Variants in VPS37D observed in about 807,000 individuals in gnomAD.
VPS37D encodes the protein vacuolar protein sorting-associated protein 37D.
In VPS37D, 5 loss-of-function variants were observed where a neutral mutation model predicts 22.0. That is an observed-to-expected ratio of 0.23 (90% CI 0.12 to 0.48). The LOEUF is 0.48. Among genes scored for constraint, VPS37D ranks in the 20% least tolerant of loss-of-function variants. The probability of loss-of-function intolerance (pLI) is 0.99; values close to 1 mark genes in which losing one functional copy is unlikely to be tolerated. For synonymous variants in VPS37D, 174 were observed against 159.3 expected, an observed-to-expected ratio of 1.09 and a Z score of -0.69; for missense variants, 384 against 345.8, an observed-to-expected ratio of 1.11 and a Z score of -0.88.
upstream of VPS37D, among the ~76,000 whole-genome samples, chr7:73,666,224 T>C (rs1554608604): frequency 6.6e-6 from 1 of 152,176 alleles, no homozygotes; most frequent in African/African-American, 2.4e-5. Context: ...TGTCTTATAC[T>C]AGAATTAGTT....
chr7:73,666,511 C>G (rs1554608666), upstream of VPS37D, among the ~76,000 whole-genome samples: 1 of 152,106 alleles, frequency 6.6e-6, no homozygotes, highest in East Asian at 1.9e-4. Context: ...TCACTACAAC[C>G]TCCGCCTCCC....
intron 1 of VPS37D, among the ~76,000 whole-genome samples, chr7:73,669,091 T>TA (rs1797446756): frequency 6.6e-6 from 1 of 152,146 alleles, no homozygotes; most frequent in Admixed American, 6.5e-5. Context: ...GCAGACATAT[T>TA]AATTGAAAAA....
chr7:73,665,978 G>A (rs1797364676), upstream of VPS37D, among the ~76,000 whole-genome samples: 1 of 152,102 alleles, frequency 6.6e-6, no homozygotes, highest in Non-Finnish European at 1.5e-5. Flanking sequence ...AGCCTCCTGA[G>A]CAGCTGGGGC....
chr7:73,667,820 C>G (rs1262894827), upstream of VPS37D: 1 of 196,944 alleles, frequency 5.1e-6, no homozygotes, highest in Non-Finnish European at 9.3e-6. Flanking sequence ...GGAGGGGCGC[C>G]CCCTGGCGGC....
At chr7:73,669,231 G>A (rs911629177) in intron 1 of VPS37D, among the ~76,000 whole-genome samples, 188 bp from the exon 2 acceptor site, 28 of 152,192 alleles carry the variant, frequency 1.8e-4, no homozygotes, top group Non-Finnish European at 2.1e-4. Flanking sequence ...AGGGAGCTCA[G>A]GGCAGAGCCA....
rs879987947 is a variant in VPS37D, at chr7:73,667,871, CCGGAGCGGAG to C, written c.-71_-62del. ...GCCGGAGCCGGAGCGGATCCTGGAGCCGGAGCGGAGCGGAGCGGAGCGGAGCCGGGGCGGA... is the reference window on the plus strand; with the variant it reads ...GCCGGAGCCGGAGCGGATCCTGGAGCCGGAGCGGAGCGGAGCCGGGGCGGA... On this transcript the variant is annotated 5_prime_UTR_variant, in exon 1 of 4. Coordinates refer to ENST00000324941, the MANE Select transcript of VPS37D (RefSeq NM_001077621.2). 753 of 372,232 alleles carry C rather than the reference CCGGAGCGGAG, an allele frequency of 2.0e-3. 1 individual carries two copies. The highest frequency in any genetic ancestry group is 9.2e-3 in the Middle Eastern group (7 of 764). The allele number at this position is 372,232 out of a possible 1,614,324, so 23.1% of individuals were successfully genotyped here. A position where few individuals can be genotyped will look rare whatever the true frequency, so the allele number is the denominator to read the frequency against.
At position 73,671,085 on chromosome 7, in the gene VPS37D, C is replaced by T. The variant is rs575757598; in HGVS notation, c.465C>T (p.Arg155=). 214 of 1,611,216 alleles carry T rather than the reference C, an allele frequency of 1.3e-4. 1 individual carries two copies. In the South Asian group the frequency reaches 1.5e-3, roughly 11 times the overall value. The change falls in exon 4 of 4, where the codon CGC becomes CGT. Residue 155 remains arginine, a synonymous_variant. Coordinates refer to ENST00000324941, the MANE Select transcript of VPS37D (RefSeq NM_001077621.2). ...TCCTGCCTGCCTTCCAGCGTGGCCGCGCCCTGGCCCACCTGAGGCGGACGC... is the reference window on the plus strand; with the variant it reads ...TCCTGCCTGCCTTCCAGCGTGGCCGTGCCCTGGCCCACCTGAGGCGGACGC... ...EAFLPAFQRG[R]ALAHLRRTQA... is the part of the protein sequence containing the mutation.
intron 3 of VPS37D, 64 bp from the exon 4 acceptor site, chr7:73,670,950 G>C (rs1176183276): frequency 1.3e-6 from 2 of 1,569,368 alleles, no homozygotes; most frequent in Non-Finnish European, 1.7e-6. Flanking sequence ...GTGGGAAGGA[G>C]TGAGGACCAG....
At chr7:73,665,444 C>T (rs146397979), upstream of VPS37D, among the ~76,000 whole-genome samples, 255 of 151,920 alleles carry the variant, frequency 1.7e-3, no homozygotes, top group African/African-American at 6.0e-3. Flanking sequence ...AGGGAATAAC[C>T]CCCTAGCCTG....
rs1797522409 is a variant in VPS37D at position 73,671,738 on chromosome 7, C to T, written c.*362C>T. Reference sequence around the variant, plus strand: ...TGCCAAGGGGACCTGTCGCACCCCACCACTCCACTGGGCTCGCACAACGCC... The same window carrying T: ...TGCCAAGGGGACCTGTCGCACCCCATCACTCCACTGGGCTCGCACAACGCC... On this transcript the variant is annotated 3_prime_UTR_variant, in exon 4 of 4. Transcript: ENST00000324941. 1 of 154,624 alleles carries T rather than the reference C, an allele frequency of 6.5e-6. No individual in the cohort carries two copies. Among genetic ancestry groups the T allele is most frequent in the Non-Finnish European group, 1.4e-5 (1 of 69,764 alleles). The allele number at this position is 154,624 out of a possible 1,614,324, so 9.6% of individuals were successfully genotyped here.
chr7:73,669,160 A>C (rs1269583088), intron 1 of VPS37D, among the ~76,000 whole-genome samples: 1 of 147,228 alleles, frequency 6.8e-6, no homozygotes, highest in East Asian at 1.9e-4. Context: ...AAGTCTCTCA[A>C]CAACCCCATA....
At chr7:73,670,905 A>G in intron 3 of VPS37D, 109 bp from the exon 4 acceptor site, 1 of 1,449,064 alleles carries the variant, frequency 6.9e-7, no homozygotes, top group Non-Finnish European at 9.1e-7. Flanking sequence ...CCTGTCCCCC[A>G]GCTGAGGGGT....
rs1554609917 is a variant in VPS37D at position 73,671,954 on chromosome 7, A to T, written c.*578A>T. On this transcript the variant is annotated 3_prime_UTR_variant, in exon 4 of 4. Coordinates refer to ENST00000324941, the MANE Select transcript of VPS37D (RefSeq NM_001077621.2). The stretch of plus-strand genomic sequence containing the variant: ...TAGGCCAGGGGCTTCTGACCTGTGC[A>T]GGTGAGAGTGGGCCATACCCAGGAA... 6.6e-6 allele frequency: 1 copy of T among 152,370 alleles called. No homozygotes were observed. Among genetic ancestry groups the T allele is most frequent in the Non-Finnish European group, 1.5e-5 (1 of 68,166 alleles). The allele number at this position is 152,370 out of a possible 1,614,324, so 9.4% of individuals were successfully genotyped here. A position where few individuals can be genotyped will look rare whatever the true frequency, so the allele number is the denominator to read the frequency against.
At chr7:73,668,219 G>A (rs1410031354) in intron 1 of VPS37D, 123 bp downstream of exon 1, 6 of 516,816 alleles carry the variant, frequency 1.2e-5, no homozygotes, top group Non-Finnish European at 1.3e-5. Context: ...AGCCTGGCAC[G>A]TACGAGTGGG....
At position 73,667,871 on chromosome 7, in the gene VPS37D, CCGGAG is replaced by C. The variant is rs879987947; in HGVS notation, c.-66_-62del. On this transcript the variant is annotated 5_prime_UTR_variant, in exon 1 of 4. Coordinates refer to ENST00000324941, the MANE Select transcript of VPS37D (RefSeq NM_001077621.2). ...GCCGGAGCCGGAGCGGATCCTGGAG[CCGGAG>C]CGGAGCGGAGCGGAGCGGAGCCGGG... 170 of 372,526 alleles carry C rather than the reference CCGGAG, an allele frequency of 4.6e-4. No homozygotes were observed. The highest frequency in any genetic ancestry group is 9.9e-4 in the African/African-American group (44 of 44,464). The allele number at this position is 372,526 out of a possible 1,614,324, so 23.1% of individuals were successfully genotyped here.
chr7:73,665,872 A>G (rs1797362513), upstream of VPS37D, among the ~76,000 whole-genome samples: 1 of 152,114 alleles, frequency 6.6e-6, no homozygotes, highest in Non-Finnish European at 1.5e-5. Flanking sequence ...GTTTTTTGAG[A>G]CGGGGTCTTG....
intron 2 of VPS37D, 145 bp downstream of exon 2, chr7:73,669,735 G>A (rs964367392): frequency 6.6e-5 from 32 of 483,862 alleles, no homozygotes; most frequent in Non-Finnish European, 9.7e-5. Flanking sequence ...TTGAGGAAGT[G>A]AGAGGAAGTG....
chr7:73,667,990 C>T lies in VPS37D; in HGVS notation c.32C>T (p.Pro11Leu). The T allele has an allele frequency of 9.1e-7, 1 of 1,097,440 alleles. No individual in the cohort carries two copies. The highest frequency in any genetic ancestry group is 6.1e-5 in the East Asian group (1 of 16,422). The allele number at this position is 1,097,440 out of a possible 1,614,324, so 68.0% of individuals were successfully genotyped here. A position where few individuals can be genotyped will look rare whatever the true frequency, so the allele number is the denominator to read the frequency against. Residue 11 changes from proline (P) to leucine (L), a missense_variant, in exon 1 of 4, where the codon CCG becomes CTG. Physicochemically the swap from Pro to Leu is moderately conservative, Grantham distance 98 (BLOSUM62 -3). Coordinates refer to ENST00000324941, the MANE Select transcript of VPS37D (RefSeq NM_001077621.2). MYRARAARAG[P>L]EPGSPGRFGI... ...CGGGCCCGGGCGGCGCGGGCGGGGCCGGAGCCCGGCAGCCCGGGGCGCTTT... is the reference window on the plus strand; with the variant it reads ...CGGGCCCGGGCGGCGCGGGCGGGGCTGGAGCCCGGCAGCCCGGGGCGCTTT...
rs782313752 is a variant in VPS37D, at chr7:73,669,555, T to C, written c.275T>C (p.Val92Ala). ...LAIKYQELREVAENCADKLQR... is the reference protein window; with the variant it reads ...LAIKYQELREAAENCADKLQR... Reference sequence around the variant, plus strand: ...ATCAAATACCAGGAGCTTCGTGAGGTGGCCGAGAACTGCGCGGACAAGCTG... The same window carrying C: ...ATCAAATACCAGGAGCTTCGTGAGGCGGCCGAGAACTGCGCGGACAAGCTG... The change falls in exon 2 of 4, where the codon GTG becomes GCG. Residue 92 changes from valine (V) to alanine (A), a missense_variant. Physicochemically the swap from Val to Ala is moderately conservative, Grantham distance 64. Coordinates refer to ENST00000324941, the MANE Select transcript of VPS37D (RefSeq NM_001077621.2). 1 of 1,592,100 alleles carries C rather than the reference T, an allele frequency of 6.3e-7. No individual in the cohort carries two copies. Among genetic ancestry groups the C allele is most frequent in the South Asian group, 1.1e-5 (1 of 87,454 alleles).
Sources: allele counts gnomAD v4.1 joint callset (sites outside exome capture counted in the v4.1 genomes callset), GRCh38; gene constraint gnomAD v4.1.1; transcripts MANE v1.5; gene names NCBI Gene and HGNC (gene_info 2026-07-23, HGNC 2026-07-21).